SPHKAP: variants seen among roughly 807,000 people sequenced by gnomAD.
SPHKAP encodes A-kinase anchor protein SPHKAP.
SPHKAP carries 67 observed loss-of-function variants against 137.5 expected under a neutral mutation model. That is an observed-to-expected ratio of 0.49 (90% CI 0.40 to 0.60). The LOEUF is 0.60. Ranked by LOEUF, SPHKAP falls within the 20% of genes least tolerant of loss-of-function variation. The probability of loss-of-function intolerance (pLI) is 0.00; values close to 1 mark genes in which losing one functional copy is unlikely to be tolerated. For missense variants in SPHKAP, 2,097 were observed against 2,069.3 expected (o/e 1.01, Z -0.26); for synonymous variants, 813 against 785.3 (o/e 1.04, Z -0.59).
At chr2:228,051,404 T>C (rs2106273305) in intron 3 of SPHKAP, among the ~76,000 whole-genome samples, 1 of 152,312 alleles carries the variant, frequency 6.6e-6, no homozygotes, top group East Asian at 1.9e-4. Flanking sequence ...AAGGGGATGT[T>C]AATCAATGAA....
chr2:228,120,453 C>T (rs1467928091), intron 2 of SPHKAP, among the ~76,000 whole-genome samples: 2 of 152,118 alleles, frequency 1.3e-5, no homozygotes, highest in African/African-American at 4.8e-5. Flanking sequence ...CAAAAGCCCT[C>T]CTTTCTTCGG....
intron 2 of SPHKAP, among the ~76,000 whole-genome samples, chr2:228,116,219 T>C (rs1250098547): frequency 6.6e-6 from 1 of 152,194 alleles, no homozygotes; most frequent in African/African-American, 2.4e-5. Context: ...AGGTCCTATG[T>C]GTTCGTATTG....
At chr2:228,051,796 T>A (rs1168082552) in intron 3 of SPHKAP, among the ~76,000 whole-genome samples, 1 of 152,208 alleles carries the variant, frequency 6.6e-6, no homozygotes, top group Non-Finnish European at 1.5e-5. Flanking sequence ...CACTGGCAGA[T>A]TTCCTGTCTG....
chr2:227,995,796 C>A, intron 7 of SPHKAP, 102 bp from the exon 8 acceptor site: 1 of 1,363,218 alleles, frequency 7.3e-7, no homozygotes, highest in Non-Finnish European at 9.7e-7. Flanking sequence ...CAGGATGTCA[C>A]TGGACACAGG....
intron 3 of SPHKAP, among the ~76,000 whole-genome samples, chr2:228,080,544 A>G (rs947554633): frequency 6.6e-6 from 1 of 151,394 alleles, no homozygotes. Flanking sequence ...CATCTCTACT[A>G]AAAGTACAAA....
At chr2:228,095,098 G>A (rs1339815779) in intron 3 of SPHKAP, among the ~76,000 whole-genome samples, 3 of 152,032 alleles carry the variant, frequency 2.0e-5, no homozygotes, top group African/African-American at 4.8e-5. Flanking sequence ...TTGGAAAAAC[G>A]TGTAGATTCC....
chr2:228,028,086 C>A, intron 3 of SPHKAP: 1 of 984,600 alleles, frequency 1.0e-6, no homozygotes, highest in Non-Finnish European at 1.2e-6. Context: ...CCTTTCATGG[C>A]CCAACATACT....
intron 3 of SPHKAP, among the ~76,000 whole-genome samples, chr2:228,099,852 TTTG>T (rs960337476): frequency 5.0e-4 from 33 of 66,106 alleles, no homozygotes; most frequent in African/African-American, 7.5e-4. Context: ...CTGATTTTTT[TTTG>T]TTTGTTTTTT....
chr2:228,059,927 C>G lies in SPHKAP; in HGVS notation c.247-32384G>C, dbSNP rs540193572. ...AAGTGCTTGTACATAACTTAGCTCA[C>G]TTAATCCTCATAACAACCAGATAAG... is the stretch of plus-strand genomic sequence containing the variant. On this transcript the variant is annotated intron_variant, in intron 3 of 11. Transcript: ENST00000392056. 2.0e-4 allele frequency among the ~76,000 whole-genome samples: 31 copies of G among 152,286 alleles called. No homozygotes were observed. In the East Asian group the frequency reaches 5.8e-3, roughly 28 times the overall value.
intron 1 of SPHKAP, among the ~76,000 whole-genome samples, chr2:228,137,742 C>T (rs929664389): frequency 1.3e-5 from 2 of 152,090 alleles, no homozygotes; most frequent in Non-Finnish European, 2.9e-5. Context: ...GAGATGTTGT[C>T]ATTAAAATCA....
At chr2:228,135,410 G>T (rs552833010) in intron 1 of SPHKAP, among the ~76,000 whole-genome samples, 13 of 152,230 alleles carry the variant, frequency 8.5e-5, no homozygotes, top group African/African-American at 3.1e-4. Context: ...CTAAAAGGTC[G>T]GCCTTGAAAA....
intron 3 of SPHKAP, among the ~76,000 whole-genome samples, chr2:228,096,413 G>T (rs973293018): frequency 2.0e-5 from 3 of 152,008 alleles, no homozygotes; most frequent in Non-Finnish European, 4.4e-5. Context: ...TTGCAGACTG[G>T]TTCCAGAACA....
At chr2:228,026,726 G>C (rs933062516) in intron 4 of SPHKAP, among the ~76,000 whole-genome samples, 2 of 152,050 alleles carry the variant, frequency 1.3e-5, no homozygotes, top group African/African-American at 4.8e-5. Context: ...TTTGGGGCTC[G>C]GTGAAAATTT....
chr2:228,105,122 C>T (rs943690816), intron 3 of SPHKAP, among the ~76,000 whole-genome samples: 1 of 152,152 alleles, frequency 6.6e-6, no homozygotes, highest in Non-Finnish European at 1.5e-5. Context: ...ACATGCACCA[C>T]TATGCCCAGC....
chr2:228,124,977 T>C (rs1699027389), intron 2 of SPHKAP, among the ~76,000 whole-genome samples: 1 of 152,186 alleles, frequency 6.6e-6, no homozygotes, highest in African/African-American at 2.4e-5. Flanking sequence ...GGGGGAATCA[T>C]GACCAAGAAC....
rs1290656590 is a variant in SPHKAP, at chr2:228,108,881, A to G, written c.197T>C (p.Met66Thr). 1 of 1,610,342 alleles carries G rather than the reference A, an allele frequency of 6.2e-7. No individual in the cohort carries two copies. The highest frequency in any genetic ancestry group is 1.3e-5 in the African/African-American group (1 of 74,666). Residue 66 changes from methionine to threonine, a missense_variant, in exon 3 of 12, where the codon ATG (methionine) becomes ACG (threonine). Physicochemically the swap from Met to Thr is moderately conservative, Grantham distance 81 (BLOSUM62 -1). Coordinates refer to ENST00000392056, the MANE Select transcript of SPHKAP (RefSeq NM_001142644.2). Reference sequence around the variant, plus strand: ...TTCTACAAAACCAATTTGGCAGGGCATCCTCTGATTCTGCAACCAGTAGTC... The same window carrying G: ...TTCTACAAAACCAATTTGGCAGGGCGTCCTCTGATTCTGCAACCAGTAGTC... The part of the protein sequence containing the change: ...STDYWLQNQR[M>T]PCQIGFVEDK...
intron 11 of SPHKAP, among the ~76,000 whole-genome samples, chr2:227,989,902 C>G (rs914341049): frequency 1.3e-5 from 2 of 152,090 alleles, no homozygotes; most frequent in African/African-American, 4.8e-5. Context: ...TAGGCATGAG[C>G]CACTGCACCT....
At chr2:228,099,886 G>A (rs1290846013) in intron 3 of SPHKAP, among the ~76,000 whole-genome samples, 3 of 150,942 alleles carry the variant, frequency 2.0e-5, no homozygotes, top group Admixed American at 2.0e-4. Context: ...ATCTCGCTCT[G>A]TGGCCCAGGC....
At chr2:228,099,850 T>C (rs970277407) in intron 3 of SPHKAP, among the ~76,000 whole-genome samples, 1 of 65,206 alleles carries the variant, frequency 1.5e-5, no homozygotes, top group Non-Finnish European at 3.2e-5. Context: ...TACTGATTTT[T>C]TTTTGTTTGT....
Sources: gnomAD v4.1 joint callset for allele counts (sites outside exome capture counted in the v4.1 genomes callset) on GRCh38, gnomAD v4.1.1 for gene constraint, MANE v1.5 for transcripts, NCBI Gene and HGNC (gene_info 2026-07-23, HGNC 2026-07-21) for gene names.